Variants in MTCL1 observed in about 807,000 individuals in gnomAD.
MTCL1 encodes the protein microtubule crosslinking factor 1.
A neutral mutation model predicts 141.4 loss-of-function variants in MTCL1; 79 were observed. The ratio of observed to expected loss-of-function variants is 0.56; its 90% confidence interval spans 0.47 to 0.67. The LOEUF is 0.67. Among genes scored for constraint, MTCL1 ranks in the 30% least tolerant of loss-of-function variants. The pLI is 0.00. For synonymous variants in MTCL1, 914 were observed against 875.8 expected (o/e 1.04, Z -0.77); for missense variants, 2,177 against 2,113.9 (o/e 1.03, Z -0.59).
intron 16 of MTCL1, 55 bp from the exon 15 acceptor site, chr18:8,831,552 C>G: frequency 6.5e-7 from 1 of 1,535,892 alleles, no homozygotes; most frequent in Non-Finnish European, 8.8e-7. Flanking sequence ...GGGGAATCAT[C>G]CACTGGTGAC....
chr18:8,797,937 A>G (rs1361706736), intron 9 of MTCL1, among the ~76,000 whole-genome samples, 160 bp from the exon 9 acceptor site: 3 of 152,240 alleles, frequency 2.0e-5, no homozygotes, highest in East Asian at 1.9e-4. Context: ...GCAAGTGCCA[A>G]TGAGTGAGAT....
At chr18:8,823,132 T>C (rs2076901741) in intron 14 of MTCL1, among the ~76,000 whole-genome samples, 1 of 152,128 alleles carries the variant, frequency 6.6e-6, no homozygotes, top group African/African-American at 2.4e-5. Context: ...GACTGCCCGG[T>C]ATGTTTCCAC....
chr18:8,720,413 G>A (rs1567935551), exon 4 of MTCL1: 4 of 1,613,988 alleles, frequency 2.5e-6, no homozygotes, highest in Non-Finnish European at 3.4e-6. Context: ...AGCTGAGGAT[G>A]AAAACGAAAC....
upstream of MTCL1, among the ~76,000 whole-genome samples, chr18:8,715,374 G>A: frequency 6.6e-6 from 1 of 152,148 alleles, no homozygotes; most frequent in East Asian, 1.9e-4. Context: ...TGTCTTAGTT[G>A]CCGATAATCC....
At chr18:8,740,682 C>T (rs1054240951) in intron 4 of MTCL1, among the ~76,000 whole-genome samples, 4 of 152,154 alleles carry the variant, frequency 2.6e-5, no homozygotes, top group Non-Finnish European at 5.9e-5. Context: ...AGGATTTCAC[C>T]ATGTTGGCCA....
At chr18:8,774,233 A>G (rs1022491413) in intron 4 of MTCL1, among the ~76,000 whole-genome samples, 74 of 146,236 alleles carry the variant, frequency 5.1e-4, no homozygotes, top group African/African-American at 1.9e-3. Context: ...ACTCACAAAC[A>G]CATACACACA....
At chr18:8,770,771 A>C (rs992548549) in intron 4 of MTCL1, among the ~76,000 whole-genome samples, 1 of 152,170 alleles carries the variant, frequency 6.6e-6, no homozygotes. Flanking sequence ...TAACAAGGCC[A>C]AGGAGAAAGG....
chr18:8,713,419 A>G (rs1038955663), upstream of MTCL1, among the ~76,000 whole-genome samples: 3 of 152,256 alleles, frequency 2.0e-5, no homozygotes, highest in African/African-American at 7.2e-5. Flanking sequence ...TGTCAGAAAC[A>G]TCATATGCTC....
intron 13 of MTCL1, among the ~76,000 whole-genome samples, 195 bp from the exon 13 acceptor site, chr18:8,821,272 A>C (rs1598807080): frequency 1.3e-5 from 2 of 152,170 alleles, no homozygotes; most frequent in East Asian, 3.8e-4. Context: ...GCCCCTCATC[A>C]TGCTGTGGAC....
At chr18:8,760,144 C>T (rs563777848) in intron 4 of MTCL1, among the ~76,000 whole-genome samples, 9 of 152,294 alleles carry the variant, frequency 5.9e-5, no homozygotes, top group Middle Eastern at 3.4e-3. Flanking sequence ...AACGCGAGAG[C>T]GGTCAGCAGG....
chr18:8,718,842 T>C (rs2096148333), intron 3 of MTCL1, among the ~76,000 whole-genome samples, 194 bp downstream of exon 2: 1 of 152,192 alleles, frequency 6.6e-6, no homozygotes, highest in South Asian at 2.1e-4. Context: ...ACATTTGTCA[T>C]AATATGAACT....
chr18:8,796,258 G>A, exon 9 of MTCL1: 1 of 1,614,154 alleles, frequency 6.2e-7, no homozygotes, highest in Non-Finnish European at 8.5e-7. Context: ...TCTATGCCTT[G>A]AGGTGGAAAG....
At chr18:8,728,860 G>A (rs1168281610) in intron 4 of MTCL1, among the ~76,000 whole-genome samples, 1 of 148,516 alleles carries the variant, frequency 6.7e-6, no homozygotes, top group East Asian at 2.0e-4. Flanking sequence ...GCAGCCTCCC[G>A]AGTAGCTGGG....
chr18:8,831,703 C>T (rs1415541783), exon 17 of MTCL1: 3 of 1,550,682 alleles, frequency 1.9e-6, no homozygotes, highest in Middle Eastern at 1.7e-4. Context: ...TTGGGCCCCA[C>T]ATTCCCCCAC....
intron 4 of MTCL1, among the ~76,000 whole-genome samples, chr18:8,728,754 G>A (rs1302977155): frequency 3.5e-5 from 2 of 57,442 alleles, no homozygotes; most frequent in Admixed American, 2.9e-4. Context: ...TTTTTGAGAC[G>A]GAGTCTCGCT....
chr18:8,725,790 C>CT (rs796484848), intron 4 of MTCL1, among the ~76,000 whole-genome samples: 26,663 of 60,962 alleles, frequency 0.44, 4,435 homozygotes, highest in East Asian at 0.58. Flanking sequence ...TTTTTTTTTT[C>CT]TTTTTTTTTT....
rs1414830651 is a variant in MTCL1 at position 8,825,277 on chromosome 18, C to T, written c.3767C>T (p.Pro1256Leu). The T allele has an allele frequency of 1.2e-5, 18 of 1,563,336 alleles. No individual in the cohort carries two copies. In the Middle Eastern group the frequency reaches 5.2e-4, roughly 45 times the overall value. Residue 1256 changes from proline to leucine, a missense_variant, in exon 15 of 17, where the codon CCC (proline) becomes CTC (leucine). Physicochemically the swap from Pro to Leu is moderately conservative, Grantham distance 98. Coordinates refer to ENST00000359865, the Ensembl canonical transcript of MTCL1. ...GACTATGTGGAGGGGGCACGGCGCC[C>T]CCTTGATAGTCCCCTCTGTACCTCC...
upstream of MTCL1, among the ~76,000 whole-genome samples, chr18:8,713,508 T>C (rs2096107361): frequency 2.0e-5 from 3 of 152,364 alleles, no homozygotes; most frequent in South Asian, 6.2e-4. Context: ...AATTGGAGCA[T>C]GCCGTCAGAA....
chr18:8,798,113 C>A, exon 10 of MTCL1: 1 of 1,590,338 alleles, frequency 6.3e-7, no homozygotes, highest in Non-Finnish European at 8.5e-7. Flanking sequence ...CATCCAGAGA[C>A]CCTCTCCAGG....
Sources: allele counts gnomAD v4.1 joint callset (sites outside exome capture counted in the v4.1 genomes callset), GRCh38; gene constraint gnomAD v4.1.1; transcripts MANE v1.5; gene names NCBI Gene and HGNC (gene_info 2026-07-23, HGNC 2026-07-21).